The following KCNJ6 variants were observed in gnomAD, a reference collection of about 807,000 sequenced individuals.
The protein encoded by KCNJ6 is potassium inwardly rectifying channel subfamily J member 6, also known as G protein-activated inward rectifier potassium channel 2.
Under a neutral mutation model 34.2 loss-of-function variants are expected in KCNJ6, and 9 were observed. That is an observed-to-expected ratio of 0.26 (90% CI 0.16 to 0.46). KCNJ6 has a LOEUF of 0.46. Among genes scored for constraint, KCNJ6 ranks in the 20% least tolerant of loss-of-function variants. The pLI is 1.00. For synonymous variants in KCNJ6, 196 were observed against 207.1 expected, an observed-to-expected ratio of 0.95 and a Z score of 0.46; for missense variants, 236 against 531.3, an observed-to-expected ratio of 0.44 and a Z score of 5.46.
chr21:37,629,783 G>A (rs571674715), intron 3 of KCNJ6, among the ~76,000 whole-genome samples: 46 of 152,304 alleles, frequency 3.0e-4, no homozygotes, highest in Admixed American at 9.8e-4. Context: ...TCTATAGGGA[G>A]AGGAAAATAC....
At chr21:37,661,495 C>A (rs1226962059) in intron 3 of KCNJ6, among the ~76,000 whole-genome samples, 1 of 151,526 alleles carries the variant, frequency 6.6e-6, no homozygotes, top group Non-Finnish European at 1.5e-5. Context: ...TATATCTAAA[C>A]TAATAAAGAT....
chr21:37,757,947 G>C (rs774727330), intron 2 of KCNJ6, among the ~76,000 whole-genome samples: 6 of 152,228 alleles, frequency 3.9e-5, no homozygotes, highest in Non-Finnish European at 7.3e-5. Flanking sequence ...AATGAGATCA[G>C]GTTTCCAGCA....
At chr21:37,878,601 G>T (rs1365111789) in intron 1 of KCNJ6, among the ~76,000 whole-genome samples, 1 of 152,240 alleles carries the variant, frequency 6.6e-6, no homozygotes, top group African/African-American at 2.4e-5. Context: ...TTAGCATGAG[G>T]CCTTACCAGC....
At chr21:37,877,885 C>A (rs1342091900) in intron 1 of KCNJ6, among the ~76,000 whole-genome samples, 3 of 152,194 alleles carry the variant, frequency 2.0e-5, no homozygotes, top group Non-Finnish European at 4.4e-5. Flanking sequence ...GCCGGAAGTT[C>A]ATACACTTAA....
intron 1 of KCNJ6, among the ~76,000 whole-genome samples, chr21:37,910,061 G>A (rs2055859858): frequency 6.6e-6 from 1 of 152,152 alleles, no homozygotes; most frequent in South Asian, 2.1e-4. Flanking sequence ...CTCTGATACT[G>A]GGATAGAGTG....
chr21:37,765,963 A>G (rs1212600934), intron 2 of KCNJ6, among the ~76,000 whole-genome samples: 1 of 152,214 alleles, frequency 6.6e-6, no homozygotes, highest in Non-Finnish European at 1.5e-5. Context: ...TATTTTGCAT[A>G]TTTGTAAGTT....
chr21:37,833,906 T>C (rs76222183), intron 2 of KCNJ6, among the ~76,000 whole-genome samples: 1,533 of 152,266 alleles, frequency 0.01, 32 homozygotes, highest in African/African-American at 0.035. Context: ...TGTAACAGCT[T>C]ATCAAATGAC....
intron 3 of KCNJ6, among the ~76,000 whole-genome samples, chr21:37,642,665 A>AG (rs35231205): frequency 1 from 152,087 of 152,088 alleles, 76,043 homozygotes; most frequent in Middle Eastern, 1. Flanking sequence ...GAAAGCCGTG[A>AG]GCATCCGACC....
intron 3 of KCNJ6, among the ~76,000 whole-genome samples, chr21:37,674,431 A>G (rs1310452495): frequency 1.3e-5 from 2 of 151,994 alleles, no homozygotes; most frequent in Non-Finnish European, 2.9e-5. Context: ...CTCCCCTCTC[A>G]GAGCAAAAGC....
At chr21:37,689,759 T>C (rs1478402442) in intron 3 of KCNJ6, among the ~76,000 whole-genome samples, 1 of 151,704 alleles carries the variant, frequency 6.6e-6, no homozygotes, top group Non-Finnish European at 1.5e-5. Context: ...AAAGGGTTAG[T>C]CTCTTAACAC....
chr21:37,673,089 C>T (rs2054549375), intron 3 of KCNJ6, among the ~76,000 whole-genome samples: 1 of 152,034 alleles, frequency 6.6e-6, no homozygotes, highest in African/African-American at 2.4e-5. Flanking sequence ...TTATTGAATG[C>T]AAAATGAGAG....
chr21:37,710,664 G>T (rs886148932), intron 3 of KCNJ6, among the ~76,000 whole-genome samples: 2 of 152,214 alleles, frequency 1.3e-5, no homozygotes, highest in African/African-American at 4.8e-5. Flanking sequence ...CAAGCCCAGC[G>T]CTGCGTGGCT....
At chr21:37,648,659 A>T (rs1371512040) in intron 3 of KCNJ6, among the ~76,000 whole-genome samples, 5 of 152,182 alleles carry the variant, frequency 3.3e-5, no homozygotes, top group Admixed American at 3.3e-4. Flanking sequence ...AGACAGTCTT[A>T]ATTTTATTAT....
intron 2 of KCNJ6, among the ~76,000 whole-genome samples, chr21:37,777,567 C>T (rs2055148295): frequency 6.6e-6 from 1 of 152,156 alleles, no homozygotes; most frequent in African/African-American, 2.4e-5. Flanking sequence ...AAGCTCTTGG[C>T]TAGTATTTTT....
At chr21:37,634,909 C>A (rs1466623428) in intron 3 of KCNJ6, among the ~76,000 whole-genome samples, 1 of 152,056 alleles carries the variant, frequency 6.6e-6, no homozygotes, top group Admixed American at 6.5e-5. Flanking sequence ...CAGGCTTGCA[C>A]CACCACGGCT....
At chr21:37,661,228 A>G (rs2054486755) in intron 3 of KCNJ6, among the ~76,000 whole-genome samples, 1 of 152,246 alleles carries the variant, frequency 6.6e-6, no homozygotes, top group Admixed American at 6.5e-5. Context: ...TAATTCCTTG[A>G]AAGTGAGAAT....
chr21:37,894,657 A>G (rs8131691), intron 1 of KCNJ6, among the ~76,000 whole-genome samples: 2 of 151,964 alleles, frequency 1.3e-5, no homozygotes, highest in Admixed American at 6.6e-5. Context: ...GTGAGATTCC[A>G]TCTCAAAAAA....
At chr21:37,663,139 C>T (rs2054497765) in intron 3 of KCNJ6, among the ~76,000 whole-genome samples, 1 of 152,070 alleles carries the variant, frequency 6.6e-6, no homozygotes, top group Non-Finnish European at 1.5e-5. Flanking sequence ...TACTCTAAAA[C>T]TCCAGATGTT....
At chr21:37,677,086 A>G (rs1449215987) in intron 3 of KCNJ6, among the ~76,000 whole-genome samples, 1 of 152,224 alleles carries the variant, frequency 6.6e-6, no homozygotes, top group Non-Finnish European at 1.5e-5. Flanking sequence ...AATTGGTTCC[A>G]GTTCCTCTCC....
Sources: gnomAD v4.1 joint callset for allele counts (sites outside exome capture counted in the v4.1 genomes callset) on GRCh38, gnomAD v4.1.1 for gene constraint, MANE v1.5 for transcripts, NCBI Gene and HGNC (gene_info 2026-07-23, HGNC 2026-07-21) for gene names.